PCDHA2: variants seen among roughly 807,000 people sequenced by gnomAD.
PCDHA2 encodes protocadherin alpha 2.
Under a neutral mutation model 66.0 loss-of-function variants are expected in PCDHA2, and 58 were observed. That is an observed-to-expected ratio of 0.88 (90% CI 0.71 to 1.09). The LOEUF is 1.09. Ranked by LOEUF, PCDHA2 falls within the 50% of genes least tolerant of loss-of-function variation. The probability of loss-of-function intolerance (pLI) is 0.00; values close to 1 mark genes in which losing one functional copy is unlikely to be tolerated. For synonymous variants in PCDHA2, 634 were observed against 554.0 expected (o/e 1.14, Z -2.03); for missense variants, 1,267 against 1,242.3 (o/e 1.02, Z -0.30).
intron 1 of PCDHA2, chr5:140,858,620 C>G: frequency 1.8e-6 from 2 of 1,142,316 alleles, no homozygotes; most frequent in East Asian, 5.1e-5. Flanking sequence ...TTATCCTACC[C>G]AGTGTGTCAG....
chr5:141,009,908 A>T lies in PCDHA2; in HGVS notation c.2818A>T (p.Asn940Tyr). ...NKTQEKKEKGNSTTDNSDQ is the reference protein window; with the variant it reads ...NKTQEKKEKGYSTTDNSDQ ...GACCCAGGAGAAAAAAGAGAAAGGG[A>T]ACAGCACGACTGACAACAGTGACCA... Residue 940 changes from asparagine to tyrosine, a missense_variant, in exon 4 of 4, where the codon AAC (asparagine) becomes TAC (tyrosine). Physicochemically the swap from Asn to Tyr is moderately radical, Grantham distance 143 (BLOSUM62 -2). Transcript: ENST00000526136. 1 of 1,612,966 alleles carries T rather than the reference A, an allele frequency of 6.2e-7. No individual in the cohort carries two copies. The highest frequency in any genetic ancestry group is 1.1e-5 in the South Asian group (1 of 90,886).
intron 1 of PCDHA2, among the ~76,000 whole-genome samples, chr5:140,934,787 C>A (rs1383149637): frequency 6.6e-6 from 1 of 152,096 alleles, no homozygotes; most frequent in African/African-American, 2.4e-5. Context: ...CAATCCATGT[C>A]AATTATCTTT....
chr5:140,933,211 CTG>C (rs1491057503), intron 1 of PCDHA2, among the ~76,000 whole-genome samples: 2 of 151,532 alleles, frequency 1.3e-5, no homozygotes, highest in Non-Finnish European at 3.0e-5. Context: ...AATTACATGT[CTG>C]TTATATTGCA....
At position 140,825,344 on chromosome 5, in the gene PCDHA2, A is replaced by G. The variant is rs1426707045; in HGVS notation, c.2388+27992A>G. ...TGGAAATTTGCATATTTTTCAATATATCTAATATATATTAGATATATAAAT... is the reference window on the plus strand; with the variant it reads ...TGGAAATTTGCATATTTTTCAATATGTCTAATATATATTAGATATATAAAT... On this transcript the variant is annotated intron_variant, in intron 1 of 3. Transcript: ENST00000526136. 2.0e-5 allele frequency: 3 copies of G among 147,914 alleles called. No individual in the cohort carries two copies. In the East Asian group the frequency reaches 5.8e-4, roughly 29 times the overall value. The allele number at this position is 147,914 out of a possible 1,614,324, so 9.2% of individuals were successfully genotyped here.
At chr5:140,835,237 T>C (rs1271413656) in intron 1 of PCDHA2, 1 of 1,599,540 alleles carries the variant, frequency 6.3e-7, no homozygotes, top group Non-Finnish European at 8.5e-7. Context: ...TCCAGTGATG[T>C]TTCTCCAGAT....
intron 1 of PCDHA2, chr5:140,858,274 G>T: frequency 6.3e-7 from 1 of 1,597,416 alleles, no homozygotes; most frequent in Non-Finnish European, 8.6e-7. Flanking sequence ...GCTCTAGCGC[G>T]GTGGGGAGCT....
intron 1 of PCDHA2, chr5:140,969,147 A>C (rs781909774): frequency 1.2e-6 from 2 of 1,614,172 alleles, no homozygotes; most frequent in South Asian, 2.2e-5. Flanking sequence ...TACTGCTACA[A>C]GGCCTGTCTG....
rs1355816339 is a variant in PCDHA2 at position 140,796,562 on chromosome 5, TC to T, written c.1600del (p.Gln534ArgfsTer2). The T allele has an allele frequency of 6.2e-7, 1 of 1,613,122 alleles. No homozygotes were observed. Among genetic ancestry groups the T allele is most frequent in the African/African-American group, 1.3e-5 (1 of 74,860 alleles). ...CACGAGGAAGTGGAGCTGCTGCAGT[TC>T]CAGGTGAGCGCGCGGGATGCGGGCG... ...LDHEEVELLQ[F>X]QVSARDAGVP... On this transcript the variant is annotated frameshift_variant, in exon 1 of 4. Transcript: ENST00000526136. LOFTEE classifies it high-confidence loss of function.
intron 3 of PCDHA2, among the ~76,000 whole-genome samples, chr5:141,008,680 T>C (rs2098386787): frequency 6.6e-6 from 1 of 152,220 alleles, no homozygotes; most frequent in Non-Finnish European, 1.5e-5. Flanking sequence ...ATACTTTAGT[T>C]ATTGCATGTA....
intron 1 of PCDHA2, chr5:140,856,159 G>A (rs1554148275): frequency 6.3e-7 from 1 of 1,598,348 alleles, no homozygotes; most frequent in Non-Finnish European, 8.6e-7. Context: ...TCTACGAGGA[G>A]GCCAGACACG....
intron 1 of PCDHA2, among the ~76,000 whole-genome samples, chr5:140,886,851 AG>A (rs2061199020): frequency 6.6e-6 from 1 of 151,608 alleles, no homozygotes; most frequent in South Asian, 2.1e-4. Context: ...AAAAAAAGAA[AG>A]GTCTTCCCAA....
chr5:140,908,490 G>T (rs149646315), intron 1 of PCDHA2, among the ~76,000 whole-genome samples: 3,582 of 152,250 alleles, frequency 0.024, 49 homozygotes, highest in Middle Eastern at 0.034. Flanking sequence ...GGCAGTTCAG[G>T]TTGCTTGGTG....
intron 2 of PCDHA2, among the ~76,000 whole-genome samples, chr5:140,980,905 A>G (rs182283088): frequency 1.5e-4 from 23 of 152,274 alleles, no homozygotes; most frequent in Admixed American, 1.4e-3. Context: ...ACATCATGTA[A>G]CTATTCTTTA....
rs2150254480 is a variant in PCDHA2 at position 140,836,166 on chromosome 5, C to G, written c.2388+38814C>G. 9 of 1,613,708 alleles carry G rather than the reference C, an allele frequency of 5.6e-6. No homozygotes were observed. The African/African-American group carries it at 1.1e-4, about 19-fold the overall frequency. ...CGCGGGCCATGTGGTGGCGAAGGTA[C>G]GTGCAGTTGACGCTGACTCAGGCTA... On this transcript the variant is annotated intron_variant, in intron 1 of 3. Transcript: ENST00000526136.
intron 3 of PCDHA2, among the ~76,000 whole-genome samples, chr5:140,983,425 C>T (rs1252010683): frequency 2.0e-5 from 3 of 152,198 alleles, no homozygotes; most frequent in Non-Finnish European, 4.4e-5. Context: ...GTAGAGACCA[C>T]AAATTGTGTC....
intron 3 of PCDHA2, among the ~76,000 whole-genome samples, chr5:140,996,530 T>C (rs1423892657): frequency 6.6e-6 from 1 of 152,210 alleles, no homozygotes; most frequent in East Asian, 1.9e-4. Flanking sequence ...AGGCCCTGTG[T>C]GTTTTGATAT....
intron 1 of PCDHA2, chr5:140,801,675 G>C: frequency 3.7e-6 from 6 of 1,614,214 alleles, no homozygotes; most frequent in Non-Finnish European, 5.1e-6. Context: ...CGCATCAGAT[G>C]CAGATATCGG....
In PCDHA2 at chr5:140,894,992, T is replaced by C. The variant is rs78280553; in HGVS notation, c.2389-83957T>C. Among the ~76,000 whole-genome samples, 440 of 152,300 alleles carry C rather than the reference T, an allele frequency of 2.9e-3. 1 individual carries two copies. The highest frequency in any genetic ancestry group is 0.01 in the African/African-American group (421 of 41,556). On this transcript the variant is annotated intron_variant, in intron 1 of 3. Transcript: ENST00000526136. ...TAATGTCTTACTTTGTGACATCCTT[T>C]ACCCTTTTTACTTGGACCTTTTTCC...
intron 3 of PCDHA2, among the ~76,000 whole-genome samples, chr5:140,984,674 G>A (rs2097114009): frequency 6.6e-6 from 1 of 152,090 alleles, no homozygotes; most frequent in Non-Finnish European, 1.5e-5. Context: ...AGGTTTTTAG[G>A]ACTCAATATA....
Sources: gnomAD v4.1 joint callset for allele counts (sites outside exome capture counted in the v4.1 genomes callset) on GRCh38, gnomAD v4.1.1 for gene constraint, MANE v1.5 for transcripts, NCBI Gene and HGNC (gene_info 2026-07-23, HGNC 2026-07-21) for gene names.